The following AP3D1 variants were observed in gnomAD, a reference collection of about 807,000 sequenced individuals.
The protein encoded by AP3D1 is AP-3 complex subunit delta-1.
AP3D1 carries 51 observed loss-of-function variants against 147.6 expected under a neutral mutation model. That is an observed-to-expected ratio of 0.35 (90% confidence interval 0.28 to 0.44). The LOEUF (loss-of-function observed/expected upper bound fraction) is 0.44, where lower values mean the gene tolerates loss of function less well. Ranked by LOEUF, AP3D1 falls within the 20% of genes least tolerant of loss-of-function variation. The pLI is 1.00. For missense variants in AP3D1, 1,421 were observed against 1,624.2 expected, an observed-to-expected ratio of 0.87 and a Z score of 2.15; for synonymous variants, 760 against 663.0, an observed-to-expected ratio of 1.15 and a Z score of -2.25.
At chr19:2,136,971 T>A (rs2145134995) in intron 4 of AP3D1, 40 bp downstream of exon 4, 1 of 1,535,262 alleles carries the variant, frequency 6.5e-7, no homozygotes, top group Non-Finnish European at 8.8e-7. Flanking sequence ...AAGGGCAGAC[T>A]GCACTCAGCA....
chr19:2,111,035 G>T, intron 26 of AP3D1, 139 bp from the exon 27 acceptor site: 1 of 1,029,384 alleles, frequency 9.7e-7, no homozygotes, highest in Non-Finnish European at 1.4e-6. Flanking sequence ...CCCCCTAGCC[G>T]CAGGCCAAGC....
At chr19:2,125,146 T>G (rs1356597937) in intron 9 of AP3D1, among the ~76,000 whole-genome samples, 1 of 152,154 alleles carries the variant, frequency 6.6e-6, no homozygotes, top group Non-Finnish European at 1.5e-5. Context: ...AATAATAATT[T>G]TTTTAATACA....
At chr19:2,127,556 G>A (rs2018792092) in intron 8 of AP3D1, among the ~76,000 whole-genome samples, 1 of 152,166 alleles carries the variant, frequency 6.6e-6, no homozygotes, top group Non-Finnish European at 1.5e-5. Flanking sequence ...ACGGAGTCTC[G>A]CTCTGTTGCC....
At position 2,151,260 on chromosome 19, in the gene AP3D1, G is replaced by C; in HGVS notation, c.75C>G (p.Ile25Met). ...TCACCTCGTCCTCCTTGTGGTTACGGATGCCGCGGACCAAGTCCTGCAGAT... is the reference window on the plus strand; with the variant it reads ...TCACCTCGTCCTCCTTGTGGTTACGCATGCCGCGGACCAAGTCCTGCAGAT... ...DKNLQDLVRGIRNHKEDEAKY... is the reference protein window; with the variant it reads ...DKNLQDLVRGMRNHKEDEAKY... The change falls in exon 1 of 32, where the codon ATC becomes ATG. Residue 25 changes from isoleucine to methionine, a missense_variant. Around this residue, in one of 6 missense-constraint regions of AP3D1, gnomAD observed 292 missense variants for 412.0 expected, o/e 0.71. Coordinates refer to ENST00000643116, the MANE Select transcript of AP3D1 (RefSeq NM_001261826.3). 1 of 1,611,814 alleles carries C rather than the reference G, an allele frequency of 6.2e-7. No individual in the cohort carries two copies. The highest frequency in any genetic ancestry group is 8.5e-7 in the Non-Finnish European group (1 of 1,178,920).
rs1175568941 is a variant in AP3D1 at position 2,124,190 on chromosome 19, GCCAGGCCC to G, written c.857-319_857-312del. On this transcript the variant is annotated intron_variant, in intron 9 of 31. Transcript: ENST00000643116. ...TCTGGAGTCTGGAATCCCGGCAGGG[GCCAGGCCC>G]CGAGGCCACAGGACCAGACCCTGTA... Among the ~76,000 whole-genome samples the G allele has an allele frequency of 2.6e-5, 4 of 152,244 alleles. No individual in the cohort carries two copies. The South Asian group carries it at 8.3e-4, about 31-fold the overall frequency.
intron 31 of AP3D1, among the ~76,000 whole-genome samples, chr19:2,105,662 T>C (rs574680962): frequency 2.0e-5 from 3 of 152,172 alleles, no homozygotes; most frequent in Non-Finnish European, 4.4e-5. Context: ...CACACCTCTG[T>C]ATTTCTGTGT....
intron 3 of AP3D1, 49 bp from the exon 4 acceptor site, chr19:2,137,140 CAGG>C: frequency 6.8e-7 from 1 of 1,477,554 alleles, no homozygotes; most frequent in African/African-American, 1.4e-5. Flanking sequence ...CCGCAGCCTC[CAGG>C]AGCTCCAGCT....
intron 1 of AP3D1, among the ~76,000 whole-genome samples, chr19:2,142,736 G>A (rs550784260): frequency 4.0e-5 from 6 of 151,410 alleles, no homozygotes; most frequent in Admixed American, 1.3e-4. Flanking sequence ...CCCAATGGGG[G>A]CTCTGAGGGG....
At chr19:2,110,517 T>C (rs1331450947) in intron 27 of AP3D1, among the ~76,000 whole-genome samples, 190 bp downstream of exon 27, 1 of 152,048 alleles carries the variant, frequency 6.6e-6, no homozygotes, top group Non-Finnish European at 1.5e-5. Flanking sequence ...TCTAGCCAGG[T>C]CCATCCGAGG....
chr19:2,142,232 T>C (rs1386284158), intron 1 of AP3D1, among the ~76,000 whole-genome samples: 1 of 151,822 alleles, frequency 6.6e-6, no homozygotes, highest in African/African-American at 2.4e-5. Context: ...AGGCTGGTCT[T>C]GAACTCCTGA....
At chr19:2,150,333 G>A (rs1599500230) in intron 1 of AP3D1, among the ~76,000 whole-genome samples, 1 of 152,198 alleles carries the variant, frequency 6.6e-6, no homozygotes, top group African/African-American at 2.4e-5. Flanking sequence ...CACTGCCCAA[G>A]GGCTGCACGG....
At chr19:2,154,896 G>GAGGCCA (rs1245399247), upstream of AP3D1, among the ~76,000 whole-genome samples, 1 of 152,200 alleles carries the variant, frequency 6.6e-6, no homozygotes, top group East Asian at 1.9e-4. Context: ...AACCCAAAAG[G>GAGGCCA]AGGCCAGGCG....
chr19:2,107,147 C>T (rs1030370040), intron 31 of AP3D1, among the ~76,000 whole-genome samples: 1 of 151,360 alleles, frequency 6.6e-6, no homozygotes, highest in Non-Finnish European at 1.5e-5. Flanking sequence ...CTTGTATTCC[C>T]AGCTACTGCG....
chr19:2,140,351 C>G (rs973979904), intron 1 of AP3D1, among the ~76,000 whole-genome samples: 1 of 152,126 alleles, frequency 6.6e-6, no homozygotes, highest in Non-Finnish European at 1.5e-5. Flanking sequence ...GGTGTCCAAA[C>G]AAAAACAAGC....
At chr19:2,116,156 G>A (rs1205178551) in intron 18 of AP3D1, 51 bp downstream of exon 18, 2 of 1,575,806 alleles carry the variant, frequency 1.3e-6, no homozygotes, top group Non-Finnish European at 1.7e-6. Context: ...CGGGGCTCGG[G>A]TGGTGAGGGT....
intron 1 of AP3D1, among the ~76,000 whole-genome samples, chr19:2,149,005 G>A (rs1289578150): frequency 6.6e-6 from 1 of 152,016 alleles, no homozygotes; most frequent in Non-Finnish European, 1.5e-5. Flanking sequence ...GGTGCTGGAG[G>A]TACAACTAGA....
chr19:2,102,377 T>C, intron 31 of AP3D1, 109 bp from the exon 32 acceptor site: 1 of 900,028 alleles, frequency 1.1e-6, no homozygotes, highest in Non-Finnish European at 1.8e-6. Context: ...GTGGATCACC[T>C]GAGGTCAGGA....
At chr19:2,120,182 C>T (rs1376884712) in intron 14 of AP3D1, among the ~76,000 whole-genome samples, 1 of 152,188 alleles carries the variant, frequency 6.6e-6, no homozygotes, top group Non-Finnish European at 1.5e-5. Context: ...TCCAAGAGAG[C>T]CTGGAAATCC....
intron 4 of AP3D1, 36 bp downstream of exon 4, chr19:2,136,975 C>T: frequency 1.9e-6 from 3 of 1,546,982 alleles, no homozygotes; most frequent in Non-Finnish European, 2.6e-6. Context: ...GCAGACTGCA[C>T]TCAGCACAGA....
Sources: allele counts gnomAD v4.1 joint callset (sites outside exome capture counted in the v4.1 genomes callset), GRCh38; gene constraint gnomAD v4.1.1; regional missense constraint gnomAD v4.1.1; transcripts MANE v1.5; gene names NCBI Gene and HGNC (gene_info 2026-07-23, HGNC 2026-07-21).